Variants in SCAND3 observed in about 807,000 individuals in gnomAD.
The protein encoded by SCAND3 is SCAN domain containing 3.
chr6:28,607,888 G>A, the SCAND3 span, among the ~76,000 whole-genome samples: 1 of 152,084 alleles, frequency 6.6e-6, no homozygotes, highest in Non-Finnish European at 1.5e-5. Context: ...GAAAATTTCA[G>A]TAAAAATAAA....
the SCAND3 span, among the ~76,000 whole-genome samples, chr6:28,615,755 G>A: frequency 2.0e-5 from 3 of 152,204 alleles, no homozygotes; most frequent in South Asian, 4.2e-4. Context: ...CCTTCTTCTC[G>A]TCCTTCTCAG....
chr6:28,573,363 T>C, the SCAND3 span: 1 of 1,614,138 alleles, frequency 6.2e-7, no homozygotes, highest in South Asian at 1.1e-5. Context: ...CTTTCACTAG[T>C]GTCTCAGCAA....
At chr6:28,602,956 A>T in the SCAND3 span, among the ~76,000 whole-genome samples, 697 of 94,488 alleles carry the variant, frequency 7.4e-3, 9 homozygotes, top group African/African-American at 0.028. Context: ...CCAAAAAAAA[A>T]TTTTTTTTTT....
chr6:28,575,852 C>T, the SCAND3 span: 1 of 1,614,076 alleles, frequency 6.2e-7, no homozygotes, highest in South Asian at 1.1e-5. The surrounding 1 kb of genome is among the most constrained non-coding windows in gnomAD (Gnocchi z 4.2). Context: ...ATTAGCTTCT[C>T]ATTTCCTTGT....
chr6:28,612,106 A>T, the SCAND3 span, among the ~76,000 whole-genome samples: 1 of 151,546 alleles, frequency 6.6e-6, no homozygotes, highest in Non-Finnish European at 1.5e-5. Flanking sequence ...GCGCGATCTC[A>T]GCTCACTGCA....
At chr6:28,572,355 G>A in the SCAND3 span, 1 of 1,607,804 alleles carries the variant, frequency 6.2e-7, no homozygotes, top group Non-Finnish European at 8.5e-7. The surrounding 1 kb of genome is among the most constrained non-coding windows in gnomAD (Gnocchi z 4.1). Context: ...GATGTTCACT[G>A]ATAACTTTTC....
the SCAND3 span, chr6:28,574,872 T>A: frequency 3.5e-5 from 56 of 1,614,062 alleles, no homozygotes; most frequent in African/African-American, 3.5e-4. Context: ...TATTAACACC[T>A]GTGCATTCTT....
chr6:28,586,558 G>A, the SCAND3 span: 3 of 1,614,234 alleles, frequency 1.9e-6, no homozygotes, highest in South Asian at 1.1e-5. The surrounding 1 kb of genome is among the most constrained non-coding windows in gnomAD (Gnocchi z 4.4). Context: ...TGCCTGAAGC[G>A]CTGACGAGAG....
the SCAND3 span, among the ~76,000 whole-genome samples, chr6:28,598,985 A>G: frequency 1.3e-5 from 2 of 152,016 alleles, no homozygotes; most frequent in Non-Finnish European, 2.9e-5. Flanking sequence ...AGCAATACTC[A>G]TTTGGAATTT....
chr6:28,606,900 C>T, the SCAND3 span, among the ~76,000 whole-genome samples: 2 of 152,164 alleles, frequency 1.3e-5, no homozygotes, highest in Non-Finnish European at 2.9e-5. Flanking sequence ...CTGGCTTTGG[C>T]CTCCTGGGGC....
the SCAND3 span, chr6:28,579,464 A>G: frequency 3.3e-6 from 5 of 1,533,094 alleles, no homozygotes; most frequent in African/African-American, 6.9e-5. This position sits in a 1 kb window ranked among gnomAD's most constrained non-coding sequence, Gnocchi z 4.5. Flanking sequence ...AAATAATTGT[A>G]GTTTGTCATA....
At chr6:28,615,990 A>C in the SCAND3 span, 3 of 152,108 alleles carry the variant, frequency 2.0e-5, no homozygotes, top group African/African-American at 7.2e-5. Flanking sequence ...TTTTCTTGTA[A>C]AAGTTTTCGG....
the SCAND3 span, chr6:28,586,945 A>AATGT: frequency 1.8e-6 from 1 of 568,944 alleles, no homozygotes; most frequent in Non-Finnish European, 3.1e-6. The surrounding 1 kb of genome is among the most constrained non-coding windows in gnomAD (Gnocchi z 4.4). Context: ...TGAAAAGACC[A>AATGT]GAAATAGTGA....
chr6:28,604,240 T>C, the SCAND3 span, among the ~76,000 whole-genome samples: 1 of 152,242 alleles, frequency 6.6e-6, no homozygotes, highest in African/African-American at 2.4e-5. Context: ...ACTATTTTTG[T>C]TGTATTCTGG....
chr6:28,605,777 C>T, the SCAND3 span, among the ~76,000 whole-genome samples: 11 of 151,734 alleles, frequency 7.2e-5, no homozygotes, highest in South Asian at 2.1e-4. Flanking sequence ...ACCCGGGAGG[C>T]GGAGGTTGCA....
chr6:28,597,054 A>G, the SCAND3 span, among the ~76,000 whole-genome samples: 1 of 152,210 alleles, frequency 6.6e-6, no homozygotes, highest in Non-Finnish European at 1.5e-5. Context: ...GAGAACACAT[A>G]TATTTCTTGC....
chr6:28,588,489 T>C, the SCAND3 span, among the ~76,000 whole-genome samples: 218 of 152,334 alleles, frequency 1.4e-3, 1 homozygote, highest in African/African-American at 5.1e-3. This position sits in a 1 kb window ranked among gnomAD's most constrained non-coding sequence, Gnocchi z 4.1. Context: ...AAAAGTCAAA[T>C]ATTTAAAAAG....
At chr6:28,586,821 G>C in the SCAND3 span, 2 of 996,838 alleles carry the variant, frequency 2.0e-6, no homozygotes, top group East Asian at 5.0e-5. This position sits in a 1 kb window ranked among gnomAD's most constrained non-coding sequence, Gnocchi z 4.4. Flanking sequence ...GAAAGTTTTT[G>C]ATATAAGAAA....
At chr6:28,571,623 C>T in the SCAND3 span, 1 of 305,840 alleles carries the variant, frequency 3.3e-6, no homozygotes, top group Non-Finnish European at 5.8e-6. Flanking sequence ...GAAGAAGACA[C>T]AAAATATAAG....
Sources: gnomAD v4.1 joint callset for allele counts (sites outside exome capture counted in the v4.1 genomes callset) on GRCh38, gnomAD v4.1.1 for gene constraint, Gnocchi (gnomAD v3.1) non-coding constraint, MANE v1.5 for transcripts, NCBI Gene and HGNC (gene_info 2026-07-23, HGNC 2026-07-21) for gene names.